Variants in REDIC1 observed in about 807,000 individuals in gnomAD.
REDIC1 encodes the protein HEI10 Interacting Protein 1.
At chr12:39,721,836 A>G in the REDIC1 span, 3 of 152,042 alleles carry the variant, frequency 2.0e-5, no homozygotes, top group African/African-American at 7.2e-5. Flanking sequence ...TCAAAGGAAA[A>G]TGTTCTGTAG....
the REDIC1 span, among the ~76,000 whole-genome samples, chr12:39,632,517 CAT>C: frequency 3.8e-3 from 579 of 152,116 alleles, 3 homozygotes; most frequent in African/African-American, 0.013. Context: ...TTTATATACA[CAT>C]ATATGTATAT....
the REDIC1 span, among the ~76,000 whole-genome samples, chr12:39,786,987 C>CT: frequency 4.9e-4 from 30 of 61,076 alleles, no homozygotes; most frequent in Non-Finnish European, 8.9e-4. Flanking sequence ...TGTGTTTTTT[C>CT]TTTTTTTTAA....
At chr12:39,713,725 A>C in the REDIC1 span, among the ~76,000 whole-genome samples, 1 of 149,078 alleles carries the variant, frequency 6.7e-6, no homozygotes. Context: ...GCCTGTATAC[A>C]TGCGTATATA....
At chr12:39,835,966 A>G in the REDIC1 span, among the ~76,000 whole-genome samples, 1 of 152,132 alleles carries the variant, frequency 6.6e-6, no homozygotes, top group Admixed American at 6.6e-5. Context: ...AGCCACAAAT[A>G]TTTGATTAAC....
chr12:39,870,068 T>C, the REDIC1 span, among the ~76,000 whole-genome samples: 66 of 152,220 alleles, frequency 4.3e-4, no homozygotes, highest in Non-Finnish European at 9.1e-4. Flanking sequence ...CCTACAGAAC[T>C]GATAAGAAAG....
chr12:39,681,765 C>T, the REDIC1 span, among the ~76,000 whole-genome samples: 2 of 152,042 alleles, frequency 1.3e-5, no homozygotes, highest in African/African-American at 4.8e-5. Context: ...AATATATGGC[C>T]TAGTACCTGG....
chr12:39,746,435 G>C, the REDIC1 span, among the ~76,000 whole-genome samples: 2 of 152,152 alleles, frequency 1.3e-5, no homozygotes, highest in African/African-American at 4.8e-5. Flanking sequence ...CGGGAAGCTC[G>C]AACTGGGTGG....
chr12:39,694,430 T>C, the REDIC1 span, among the ~76,000 whole-genome samples: 2 of 150,750 alleles, frequency 1.3e-5, no homozygotes. Flanking sequence ...TTCTGTGTAC[T>C]GGGGAGAGGG....
the REDIC1 span, among the ~76,000 whole-genome samples, chr12:39,799,066 T>G: frequency 2.2e-5 from 3 of 138,162 alleles, no homozygotes; most frequent in Admixed American, 1.4e-4. Context: ...ACTGTTCTGG[T>G]TTTTTTTTTT....
chr12:39,722,194 T>C, the REDIC1 span, among the ~76,000 whole-genome samples: 1 of 150,080 alleles, frequency 6.7e-6, no homozygotes, highest in South Asian at 2.1e-4. Flanking sequence ...CAAGAGTCTG[T>C]GTTGCAGAGG....
At chr12:39,650,902 G>A in the REDIC1 span, among the ~76,000 whole-genome samples, 1 of 152,150 alleles carries the variant, frequency 6.6e-6, no homozygotes, top group Non-Finnish European at 1.5e-5. This position sits in a 1 kb window ranked among gnomAD's most constrained non-coding sequence, Gnocchi z 4.3. Context: ...CAATCTCCAT[G>A]AATTACTGTT....
chr12:39,711,372 T>C, the REDIC1 span, among the ~76,000 whole-genome samples: 113 of 146,842 alleles, frequency 7.7e-4, 1 homozygote, highest in African/African-American at 2.8e-3. Context: ...TATATACACA[T>C]ATACATATAT....
the REDIC1 span, among the ~76,000 whole-genome samples, chr12:39,690,448 C>G: frequency 6.6e-6 from 1 of 152,048 alleles, no homozygotes; most frequent in Non-Finnish European, 1.5e-5. Context: ...TGATGTCACA[C>G]TAGGAAACCG....
the REDIC1 span, among the ~76,000 whole-genome samples, chr12:39,654,800 G>A: frequency 6.6e-6 from 1 of 152,164 alleles, no homozygotes; most frequent in Non-Finnish European, 1.5e-5. Context: ...GTAAGAATTT[G>A]TGGAGGGTTG....
chr12:39,730,435 A>T, the REDIC1 span, among the ~76,000 whole-genome samples: 94 of 152,314 alleles, frequency 6.2e-4, 1 homozygote, highest in Middle Eastern at 0.01. Context: ...TTGGCTGGAT[A>T]TGAAATTCTG....
the REDIC1 span, among the ~76,000 whole-genome samples, chr12:39,893,957 TAACAC>T: frequency 4.6e-5 from 7 of 152,210 alleles, no homozygotes; most frequent in Non-Finnish European, 8.8e-5. Flanking sequence ...TAGTAGGAAG[TAACAC>T]AGATGCTGAA....
chr12:39,705,067 T>TATA, the REDIC1 span, among the ~76,000 whole-genome samples: 16 of 151,492 alleles, frequency 1.1e-4, no homozygotes, highest in African/African-American at 3.9e-4. Flanking sequence ...AAACTTAAAG[T>TATA]ATAATAATAA....
At chr12:39,896,319 T>C in the REDIC1 span, among the ~76,000 whole-genome samples, 2 of 124,578 alleles carry the variant, frequency 1.6e-5, no homozygotes, top group Non-Finnish European at 3.3e-5. Flanking sequence ...CATATATGTA[T>C]GTATATGTGT....
At chr12:39,711,996 G>A in the REDIC1 span, among the ~76,000 whole-genome samples, 1 of 55,754 alleles carries the variant, frequency 1.8e-5, no homozygotes, top group Non-Finnish European at 4.4e-5. Flanking sequence ...CTATATACAT[G>A]TCTGTATATA....
Sources: gnomAD v4.1 joint callset for allele counts (sites outside exome capture counted in the v4.1 genomes callset) on GRCh38, gnomAD v4.1.1 for gene constraint, Gnocchi (gnomAD v3.1) non-coding constraint, MANE v1.5 for transcripts, NCBI Gene and HGNC (gene_info 2026-07-23, HGNC 2026-07-21) for gene names.